RASGRP3: variants seen among roughly 807,000 people sequenced by gnomAD.
RASGRP3 encodes ras guanyl-releasing protein 3.
In RASGRP3, 54 loss-of-function variants were observed where a neutral mutation model predicts 82.7. The ratio of observed to expected loss-of-function variants is 0.65; its 90% CI spans 0.52 to 0.82. RASGRP3 has a LOEUF of 0.82. Among genes scored for constraint, RASGRP3 ranks in the 40% least tolerant of loss-of-function variants. The probability of loss-of-function intolerance (pLI) is 0.00; values close to 1 mark genes in which losing one functional copy is unlikely to be tolerated. For missense variants in RASGRP3, 861 were observed against 828.9 expected (o/e 1.04, Z -0.48); for synonymous variants, 309 against 300.5 (o/e 1.03, Z -0.29).
At chr2:33,495,974 C>A (rs1322384336) in intron 1 of RASGRP3, among the ~76,000 whole-genome samples, 1 of 152,106 alleles carries the variant, frequency 6.6e-6, no homozygotes, top group Non-Finnish European at 1.5e-5. Flanking sequence ...ACCAATTTTT[C>A]CACAAGAATC....
At chr2:33,444,984 A>G (rs1415314120) in intron 1 of RASGRP3, among the ~76,000 whole-genome samples, 1 of 152,232 alleles carries the variant, frequency 6.6e-6, no homozygotes, top group East Asian at 1.9e-4. Context: ...AAAGAAATAA[A>G]TCTTTAGCAA....
At chr2:33,456,991 C>T (rs1666075482) in intron 2 of RASGRP3, among the ~76,000 whole-genome samples, 1 of 151,078 alleles carries the variant, frequency 6.6e-6, no homozygotes, top group African/African-American at 2.4e-5. Context: ...CAGCCTCTGC[C>T]TCCCAGGTTC....
chr2:33,521,932 C>T (rs1672072924), intron 6 of RASGRP3, 23 bp from the exon 7 acceptor site: 2 of 1,594,592 alleles, frequency 1.3e-6, no homozygotes, highest in Non-Finnish European at 1.7e-6. Context: ...AACACATTGA[C>T]CGGACTCACT....
chr2:33,508,218 C>G (rs1282256902), intron 1 of RASGRP3, among the ~76,000 whole-genome samples: 1 of 151,960 alleles, frequency 6.6e-6, no homozygotes, highest in East Asian at 1.9e-4. Context: ...TTTAGAGATG[C>G]CTGAGATTCC....
intron 14 of RASGRP3, 111 bp from the exon 15 acceptor site, chr2:33,555,420 T>C (rs999095249): frequency 6.1e-6 from 5 of 820,604 alleles, no homozygotes; most frequent in Non-Finnish European, 7.7e-6. Context: ...GGCTACATCC[T>C]GTTTGTGCCT....
chr2:33,523,964 T>C lies in RASGRP3; in HGVS notation c.602T>C (p.Ile201Thr), dbSNP rs1167303229. The C allele has an allele frequency of 6.2e-7, 1 of 1,613,922 alleles. No individual in the cohort carries two copies. Residue 201 changes from isoleucine (I) to threonine (T), a missense_variant, in exon 8 of 18, where the codon ATC becomes ACC. By Grantham distance (89) the Ile-to-Thr change is moderately conservative. Coordinates refer to ENST00000403687, the MANE Select transcript of RASGRP3 (RefSeq NM_001139488.2). ...LERSIALFNGISKWVQLMVLS... is the reference protein window; with the variant it reads ...LERSIALFNGTSKWVQLMVLS... The stretch of plus-strand genomic sequence containing the variant: ...AGATCGATTGCTTTATTTAATGGAA[T>C]CTCTAAGTGGGTCCAGTTGATGGTT...
At position 33,521,968 on chromosome 2, in the gene RASGRP3, T is replaced by C. The variant is rs781039769; in HGVS notation, c.382T>C (p.Trp128Arg). Residue 128 changes from tryptophan to arginine, a missense_variant, in exon 7 of 18, where the codon TGG becomes CGG. By Grantham distance (101) the Trp-to-Arg change is moderately radical (BLOSUM62 -3). Transcript: ENST00000403687. ...CTTCTTTTATAGTCCTTCCTATGACTGGATGAGAAGAGTCACACAGAGGAA... is the reference window on the plus strand; with the variant it reads ...CTTCTTTTATAGTCCTTCCTATGACCGGATGAGAAGAGTCACACAGAGGAA... Reference protein sequence around the residue: ...IDISSIPSYDWMRRVTQRKKV... With the variant: ...IDISSIPSYDRMRRVTQRKKV... 1 of 1,612,128 alleles carries C rather than the reference T, an allele frequency of 6.2e-7. No individual in the cohort carries two copies. The highest frequency in any genetic ancestry group is 8.5e-7 in the Non-Finnish European group (1 of 1,179,424).
At chr2:33,494,951 A>C (rs1370636723) in intron 1 of RASGRP3, among the ~76,000 whole-genome samples, 1 of 152,258 alleles carries the variant, frequency 6.6e-6, no homozygotes, top group Non-Finnish European at 1.5e-5. Flanking sequence ...CTCCAAATTT[A>C]CTTTCTTGTT....
At chr2:33,454,342 T>C (rs1295311961) in intron 2 of RASGRP3, among the ~76,000 whole-genome samples, 1 of 152,220 alleles carries the variant, frequency 6.6e-6, no homozygotes, top group Non-Finnish European at 1.5e-5. Flanking sequence ...GATGTAACCC[T>C]GTAACTAAGG....
intron 2 of RASGRP3, among the ~76,000 whole-genome samples, chr2:33,467,246 T>C (rs1666750624): frequency 6.6e-6 from 1 of 152,170 alleles, no homozygotes; most frequent in African/African-American, 2.4e-5. Flanking sequence ...GATATTGGTT[T>C]GTTTGATTCA....
chr2:33,443,004 T>C (rs915787530), intron 1 of RASGRP3, among the ~76,000 whole-genome samples: 12 of 152,188 alleles, frequency 7.9e-5, no homozygotes, highest in African/African-American at 2.9e-4. Context: ...TGCTGAACTT[T>C]TTATGTTTAT....
Position 33,562,667 on chromosome 2 carries a change from G to C in RASGRP3, c.2065-62G>C. 3.2e-6 allele frequency: 5 copies of C among 1,577,590 alleles called. No homozygotes were observed. The South Asian group carries it at 5.6e-5, about 18-fold the overall frequency. ...AAGTCATCTGAAAAACTGCTTTCTA[G>C]GAACACTCTTATTTTGTTATATGAG... On this transcript the variant is annotated intron_variant, in intron 17 of 17. Transcript: ENST00000403687.
At chr2:33,479,306 A>G (rs982016764) in intron 1 of RASGRP3, among the ~76,000 whole-genome samples, 1 of 152,148 alleles carries the variant, frequency 6.6e-6, no homozygotes, top group South Asian at 2.1e-4. Flanking sequence ...GTTGGTAAGA[A>G]CAGCAACCGG....
chr2:33,525,107 A>T (rs181494762), intron 9 of RASGRP3, among the ~76,000 whole-genome samples: 1 of 150,128 alleles, frequency 6.7e-6, no homozygotes, highest in African/African-American at 2.4e-5. Flanking sequence ...AAAAAAAAAA[A>T]AAAAACTCAA....
chr2:33,562,088 T>C (rs922822254), intron 17 of RASGRP3, among the ~76,000 whole-genome samples: 1 of 152,152 alleles, frequency 6.6e-6, no homozygotes, highest in Non-Finnish European at 1.5e-5. Flanking sequence ...TTACAGATTT[T>C]CTCAGTGCCC....
intron 1 of RASGRP3, among the ~76,000 whole-genome samples, chr2:33,508,848 C>T (rs1233181942): frequency 6.6e-6 from 1 of 152,078 alleles, no homozygotes; most frequent in Non-Finnish European, 1.5e-5. Flanking sequence ...TATCATCTAC[C>T]CATGTCATGT....
Position 33,488,392 on chromosome 2 carries a change from T to C in RASGRP3, c.-261+11685T>C, listed in dbSNP as rs192929762. ...TACCTCTAACAACTCTGAATAGTAATAATGGAACACAGAAGATGCTTTATT... is the reference window on the plus strand; with the variant it reads ...TACCTCTAACAACTCTGAATAGTAACAATGGAACACAGAAGATGCTTTATT... On this transcript the variant is annotated intron_variant, in intron 1 of 17. Coordinates refer to ENST00000403687, the MANE Select transcript of RASGRP3 (RefSeq NM_001139488.2). 9.7e-4 allele frequency among the ~76,000 whole-genome samples: 148 copies of C among 152,246 alleles called. 2 individuals carry two copies. The highest frequency in any genetic ancestry group is 3.4e-3 in the Middle Eastern group (1 of 294).
At chr2:33,481,054 G>A (rs1169453455) in intron 1 of RASGRP3, 2 of 152,256 alleles carry the variant, frequency 1.3e-5, no homozygotes, top group Non-Finnish European at 2.9e-5. Context: ...GAGAAAATGA[G>A]TGACTTGTCT....
At chr2:33,449,268 G>C (rs530574571) in intron 2 of RASGRP3, among the ~76,000 whole-genome samples, 8 of 152,322 alleles carry the variant, frequency 5.3e-5, no homozygotes, top group South Asian at 2.1e-4. Flanking sequence ...AAAGTATGCA[G>C]AGTTACCTTG....
Sources: gnomAD v4.1 joint callset for allele counts (sites outside exome capture counted in the v4.1 genomes callset) on GRCh38, gnomAD v4.1.1 for gene constraint, MANE v1.5 for transcripts, NCBI Gene and HGNC (gene_info 2026-07-23, HGNC 2026-07-21) for gene names.